CPEB1: variants seen among roughly 807,000 people sequenced by gnomAD.
CPEB1 encodes the protein cytoplasmic polyadenylation element binding protein 1.
In CPEB1, 7 loss-of-function variants were observed where a neutral mutation model predicts 65.8. The observed-to-expected ratio is 0.11, with a 90% CI of 0.06 to 0.20. CPEB1 has a LOEUF of 0.20. Ranked by LOEUF, CPEB1 falls within the 10% of genes least tolerant of loss-of-function variation. CPEB1 has a pLI of 1.00. For synonymous variants in CPEB1, 262 were observed against 260.0 expected, an observed-to-expected ratio of 1.01 and a Z score of -0.08; for missense variants, 551 against 712.2, an observed-to-expected ratio of 0.77 and a Z score of 2.58.
intron 9 of CPEB1, among the ~76,000 whole-genome samples, chr15:82,551,349 C>T (rs1267656): frequency 0.84 from 127,095 of 152,200 alleles, 53,633 homozygotes; most frequent in African/African-American, 0.96. Context: ...CCCACACTTG[C>T]GTGACTTCCC....
chr15:82,546,653 T>A, intron 11 of CPEB1, 132 bp from the exon 12 acceptor site: 1 of 709,134 alleles, frequency 1.4e-6, no homozygotes, highest in Non-Finnish European at 2.5e-6. Context: ...TTGCCTGTTT[T>A]AAAGGAGGCT....
intron 1 of CPEB1, among the ~76,000 whole-genome samples, chr15:82,642,025 A>C (rs1292533515): frequency 6.6e-6 from 1 of 152,242 alleles, no homozygotes; most frequent in Non-Finnish European, 1.5e-5. Flanking sequence ...TTTCCTATGA[A>C]AATATGAAAT....
At chr15:82,575,901 C>G (rs1567195091) in intron 3 of CPEB1, among the ~76,000 whole-genome samples, 2 of 152,154 alleles carry the variant, frequency 1.3e-5, no homozygotes, top group East Asian at 3.9e-4. Flanking sequence ...AAAGGTACAT[C>G]CACTTTGAAA....
At position 82,553,478 on chromosome 15, in the gene CPEB1, C is replaced by T. The variant is rs2036631685; in HGVS notation, c.1133G>A (p.Cys378Tyr). Residue 378 changes from cysteine to tyrosine, a missense_variant, in exon 8 of 13, where the codon TGT becomes TAT. Around this residue, in one of 6 missense-constraint regions of CPEB1, gnomAD observed 99 missense variants for 161.3 expected, o/e 0.61. Coordinates refer to ENST00000684509, the MANE Select transcript of CPEB1 (RefSeq NM_001365242.1). ...WPGKDGKHPR[C>Y]PPKGYVYLVF... is the part of the protein sequence containing the mutation. ...TTTAGGCATATTACCTTTGGGAGGA[C>T]ACCGGGGATGCTTGCCATCCTTACC... 1 of 1,613,692 alleles carries T rather than the reference C, an allele frequency of 6.2e-7. No homozygotes were observed.
intron 1 of CPEB1, among the ~76,000 whole-genome samples, chr15:82,631,828 G>A (rs1306471941): frequency 6.6e-6 from 1 of 151,398 alleles, no homozygotes; most frequent in African/African-American, 2.4e-5. Context: ...TCCACTACAG[G>A]TTCAGTATCT....
intron 3 of CPEB1, among the ~76,000 whole-genome samples, chr15:82,604,931 G>T (rs1349269450): frequency 6.6e-6 from 1 of 152,140 alleles, no homozygotes; most frequent in Non-Finnish European, 1.5e-5. Context: ...AGCTCAAAGA[G>T]ACCTACACCA....
At chr15:82,634,597 C>G (rs1201795938) in intron 1 of CPEB1, among the ~76,000 whole-genome samples, 1 of 152,120 alleles carries the variant, frequency 6.6e-6, no homozygotes, top group Non-Finnish European at 1.5e-5. Context: ...GTTTGAAGGG[C>G]CCAAGGTTTA....
At chr15:82,561,482 G>GA (rs1196382847) in intron 4 of CPEB1, among the ~76,000 whole-genome samples, 5 of 152,158 alleles carry the variant, frequency 3.3e-5, no homozygotes, top group Admixed American at 6.5e-5. Context: ...CAGAACGCCA[G>GA]AAAAAATACT....
Position 82,566,735 on chromosome 15 carries a change from G to A in CPEB1, c.460+4609C>T, listed in dbSNP as rs373161637. Among the ~76,000 whole-genome samples the A allele has an allele frequency of 8.2e-4, 125 of 152,046 alleles. 2 individuals are homozygous for A. The South Asian group carries it at 0.025, about 30-fold the overall frequency. On this transcript the variant is annotated intron_variant, in intron 4 of 12. Coordinates refer to ENST00000684509, the MANE Select transcript of CPEB1 (RefSeq NM_001365242.1). Reference sequence around the variant, plus strand: ...CCACCTCAACTTCTTTCTCACCTAGGAGGCCTCCCTGGCCACACTGCTTCC... The same window carrying A: ...CCACCTCAACTTCTTTCTCACCTAGAAGGCCTCCCTGGCCACACTGCTTCC...
chr15:82,620,254 GTC>G (rs1244396209), intron 3 of CPEB1, among the ~76,000 whole-genome samples: 1 of 151,902 alleles, frequency 6.6e-6, no homozygotes, highest in East Asian at 1.9e-4. Context: ...TCTCTACTAT[GTC>G]TCTACTAAAA....
chr15:82,605,907 G>A (rs528792387), intron 3 of CPEB1, among the ~76,000 whole-genome samples: 18 of 152,112 alleles, frequency 1.2e-4, no homozygotes, highest in Non-Finnish European at 1.9e-4. Context: ...GTGTGATGCC[G>A]CATGTCTGTA....
chr15:82,548,530 G>A (rs1351129995), intron 10 of CPEB1: 2 of 284,464 alleles, frequency 7.0e-6, no homozygotes, highest in Non-Finnish European at 1.4e-5. Context: ...GGGAAGGAAA[G>A]ATAAGGGACT....
At chr15:82,567,146 A>C (rs1351609008) in intron 4 of CPEB1, among the ~76,000 whole-genome samples, 1 of 152,168 alleles carries the variant, frequency 6.6e-6, no homozygotes, top group African/African-American at 2.4e-5. Context: ...TGGGCCGAGG[A>C]AGTCCATGTT....
At chr15:82,609,638 T>C (rs1179991176) in intron 3 of CPEB1, among the ~76,000 whole-genome samples, 1 of 136,548 alleles carries the variant, frequency 7.3e-6, no homozygotes, top group Non-Finnish European at 1.6e-5. Flanking sequence ...AGAAAAACTA[T>C]AAAAAAAAAA....
chr15:82,640,141 A>C (rs1368779154), intron 1 of CPEB1, among the ~76,000 whole-genome samples: 1 of 152,146 alleles, frequency 6.6e-6, no homozygotes, highest in Non-Finnish European at 1.5e-5. Flanking sequence ...GGGACCAGAC[A>C]TAACAGGCGT....
intron 3 of CPEB1, among the ~76,000 whole-genome samples, chr15:82,591,774 A>C (rs1261505658): frequency 1.3e-5 from 2 of 152,136 alleles, no homozygotes; most frequent in African/African-American, 2.4e-5. Flanking sequence ...ATTAGATCAT[A>C]CAATATTTAA....
At chr15:82,613,212 GAAC>G (rs2044346976) in intron 3 of CPEB1, among the ~76,000 whole-genome samples, 1 of 152,160 alleles carries the variant, frequency 6.6e-6, no homozygotes, top group African/African-American at 2.4e-5. Flanking sequence ...AATATATTAT[GAAC>G]AACTTGAGTT....
At chr15:82,573,300 T>C in intron 3 of CPEB1, 1 of 785,056 alleles carries the variant, frequency 1.3e-6, no homozygotes, top group South Asian at 2.1e-5. Flanking sequence ...TGGCTGTAGA[T>C]ATTCTGCTTG....
At chr15:82,571,146 T>C (rs1377944551) in intron 4 of CPEB1, among the ~76,000 whole-genome samples, 198 bp downstream of exon 4, 2 of 152,200 alleles carry the variant, frequency 1.3e-5, no homozygotes, top group African/African-American at 4.8e-5. Context: ...GGAAGAGCCA[T>C]GCCTGCCTTT....
Sources: gnomAD v4.1 joint callset for allele counts (sites outside exome capture counted in the v4.1 genomes callset) on GRCh38, gnomAD v4.1.1 for gene constraint, gnomAD v4.1.1 regional missense constraint, MANE v1.5 for transcripts, NCBI Gene and HGNC (gene_info 2026-07-23, HGNC 2026-07-21) for gene names.